The following PHF20 variants were observed in gnomAD, a reference collection of about 807,000 sequenced individuals.
PHF20 encodes PHD finger protein 20.
Under a neutral mutation model 113.5 loss-of-function variants are expected in PHF20, and 23 were observed. The ratio of observed to expected loss-of-function variants is 0.20; its 90% CI spans 0.15 to 0.29. The LOEUF is 0.29. PHF20 is among the 10% of genes least tolerant of loss of function. The pLI, the probability that PHF20 is intolerant of heterozygous loss-of-function variation, is 1.00. For missense variants in PHF20, 943 were observed against 1,219.6 expected, an observed-to-expected ratio of 0.77 and a Z score of 3.38; for synonymous variants, 434 against 457.3, an observed-to-expected ratio of 0.95 and a Z score of 0.65.
chr20:35,936,532 C>T (rs2055868241), intron 15 of PHF20, among the ~76,000 whole-genome samples: 1 of 152,224 alleles, frequency 6.6e-6, no homozygotes, highest in East Asian at 1.9e-4. Flanking sequence ...TCAGTAGATG[C>T]TCACAGGAGT....
In PHF20 at chr20:35,938,976, G is replaced by C; in HGVS notation, c.2580G>C (p.Arg860Ser). Residue 860 changes from arginine to serine, a missense_variant, in exon 16 of 18, where the codon AGG becomes AGC. By Grantham distance (110) the Arg-to-Ser change is moderately radical. This residue lies in a region of PHF20 where 349 missense variants were observed against 412.3 expected (regional missense o/e 0.85). Coordinates refer to ENST00000374012, the MANE Select transcript of PHF20 (RefSeq NM_016436.5). ...AVEQKLVVET[R>S]GSALDDAVNP... Reference sequence around the variant, plus strand: ...AGCAGAAGCTGGTGGTGGAGACGAGGGGCTCTGCCCTCGACGATGCGGTCA... The same window carrying C: ...AGCAGAAGCTGGTGGTGGAGACGAGCGGCTCTGCCCTCGACGATGCGGTCA... 1 of 1,614,168 alleles carries C rather than the reference G, an allele frequency of 6.2e-7. No individual in the cohort carries two copies. Among genetic ancestry groups the C allele is most frequent in the Non-Finnish European group, 8.5e-7 (1 of 1,180,036 alleles).
chr20:35,851,374 C>G (rs996737726), intron 4 of PHF20, among the ~76,000 whole-genome samples: 4 of 152,142 alleles, frequency 2.6e-5, no homozygotes, highest in African/African-American at 9.7e-5. Flanking sequence ...TGGAAATGAT[C>G]TTGTTTCTAG....
intron 3 of PHF20, among the ~76,000 whole-genome samples, chr20:35,844,485 C>T (rs1306924912): frequency 1.4e-5 from 2 of 145,082 alleles, no homozygotes; most frequent in Non-Finnish European, 3.0e-5. Flanking sequence ...TGTCAAGCTC[C>T]TCACTCTGTC....
At chr20:35,814,859 C>T (rs2042039430) in intron 2 of PHF20, among the ~76,000 whole-genome samples, 2 of 126,132 alleles carry the variant, frequency 1.6e-5, no homozygotes, top group African/African-American at 3.0e-5. Flanking sequence ...GGCGACAGAG[C>T]GAGACTCCGT....
chr20:35,838,055 T>C (rs1486920446), intron 2 of PHF20, among the ~76,000 whole-genome samples: 6 of 152,164 alleles, frequency 3.9e-5, no homozygotes, highest in Admixed American at 3.9e-4. Flanking sequence ...AATAAAGTTT[T>C]TTTTGAATGA....
chr20:35,936,511 AG>A (rs2055867472), intron 15 of PHF20, among the ~76,000 whole-genome samples: 1 of 152,206 alleles, frequency 6.6e-6, no homozygotes, highest in East Asian at 1.9e-4. Flanking sequence ...ACATACATGG[AG>A]GCACAGCTTT....
chr20:35,822,258 C>A (rs2042181782), intron 2 of PHF20, among the ~76,000 whole-genome samples: 1 of 151,756 alleles, frequency 6.6e-6, no homozygotes, highest in African/African-American at 2.4e-5. Flanking sequence ...TACACAAAAA[C>A]CCCAAGAAAC....
intron 9 of PHF20, among the ~76,000 whole-genome samples, chr20:35,881,561 AAG>A (rs1402260301): frequency 1.3e-5 from 2 of 151,894 alleles, no homozygotes; most frequent in East Asian, 1.9e-4. Flanking sequence ...AAAAAAGAAA[AAG>A]AAAAAAATAT....
intron 4 of PHF20, among the ~76,000 whole-genome samples, chr20:35,849,800 G>T (rs886447417): frequency 1.3e-5 from 2 of 152,176 alleles, no homozygotes; most frequent in African/African-American, 4.8e-5. Flanking sequence ...TGTCTTGTTG[G>T]TGCTGCCAGG....
chr20:35,845,682 G>C (rs1423789207), intron 3 of PHF20, among the ~76,000 whole-genome samples: 1 of 152,006 alleles, frequency 6.6e-6, no homozygotes, highest in Non-Finnish European at 1.5e-5. Context: ...CTTGTGCCTG[G>C]CTAGTTTTAA....
At chr20:35,922,206 C>G (rs993565666) in intron 13 of PHF20, among the ~76,000 whole-genome samples, 2 of 152,162 alleles carry the variant, frequency 1.3e-5, no homozygotes, top group Non-Finnish European at 2.9e-5. Context: ...TGCTGTCCAC[C>G]TGAACCAAGA....
intron 17 of PHF20, among the ~76,000 whole-genome samples, chr20:35,947,102 G>C (rs1017102429): frequency 6.6e-6 from 1 of 152,210 alleles, no homozygotes; most frequent in Non-Finnish European, 1.5e-5. Context: ...GGCAATGTGT[G>C]GCTGTTTAAC....
intron 10 of PHF20, among the ~76,000 whole-genome samples, chr20:35,909,679 G>T (rs1423663527): frequency 6.6e-6 from 1 of 152,094 alleles, no homozygotes; most frequent in Non-Finnish European, 1.5e-5. Context: ...CTTTCTAGTT[G>T]CAGGGTATTT....
At chr20:35,862,755 C>A (rs1568668250) in intron 5 of PHF20, among the ~76,000 whole-genome samples, 1 of 151,998 alleles carries the variant, frequency 6.6e-6, no homozygotes, top group Admixed American at 6.6e-5. Flanking sequence ...AAACAAAAAC[C>A]CAGAATTTTA....
chr20:35,896,331 C>G (rs1417951069), intron 9 of PHF20, among the ~76,000 whole-genome samples: 1 of 152,028 alleles, frequency 6.6e-6, no homozygotes, highest in East Asian at 1.9e-4. Flanking sequence ...TACGAAAAAT[C>G]TGATTAACTC....
chr20:35,839,680 G>A (rs1340215990), intron 2 of PHF20, among the ~76,000 whole-genome samples: 1 of 152,172 alleles, frequency 6.6e-6, no homozygotes, highest in African/African-American at 2.4e-5. Context: ...ATTGGAGTAG[G>A]AAGACTAGTT....
Position 35,914,176 on chromosome 20 carries a change from A to C in PHF20, c.1804A>C (p.Lys602Gln). 1.2e-6 allele frequency: 2 copies of C among 1,614,126 alleles called. No individual in the cohort carries two copies. Among genetic ancestry groups the C allele is most frequent in the East Asian group, 4.5e-5 (2 of 44,872 alleles). The change falls in exon 12 of 18, where the codon AAA (lysine) becomes CAA (glutamine). Residue 602 changes from lysine to glutamine, a missense_variant. By Grantham distance (53) the Lys-to-Gln change is moderately conservative. Coordinates refer to ENST00000374012, the MANE Select transcript of PHF20 (RefSeq NM_016436.5). ...TCATGGCCCAGAATCTGGACACCAC[A>C]AAGGGAAAGTGAAAGCATTGGGTAA... ...QLHGPESGHH[K>Q]GKVKALEEDN...
intron 17 of PHF20, among the ~76,000 whole-genome samples, chr20:35,943,496 TA>T (rs376783489): frequency 0.2 from 23,740 of 115,886 alleles, 2,037 homozygotes; most frequent in South Asian, 0.37. Flanking sequence ...CCCATTTCTT[TA>T]AAAAAAAAAA....
intron 9 of PHF20, among the ~76,000 whole-genome samples, chr20:35,880,802 A>C (rs2054615010): frequency 6.6e-6 from 1 of 152,000 alleles, no homozygotes; most frequent in African/African-American, 2.4e-5. Flanking sequence ...CTCTACAAAA[A>C]TAAAAAAATT....
Sources: gnomAD v4.1 joint callset for allele counts (sites outside exome capture counted in the v4.1 genomes callset) on GRCh38, gnomAD v4.1.1 for gene constraint, gnomAD v4.1.1 regional missense constraint, MANE v1.5 for transcripts, NCBI Gene and HGNC (gene_info 2026-07-23, HGNC 2026-07-21) for gene names.